The following DOCK11 variants were observed in gnomAD, a reference collection of about 807,000 sequenced individuals.
The protein encoded by DOCK11 is dedicator of cytokinesis 11.
Under a neutral mutation model 169.1 loss-of-function variants are expected in DOCK11, and 70 were observed. That is an observed-to-expected ratio of 0.41 (90% CI 0.34 to 0.51). DOCK11 has a LOEUF of 0.51. DOCK11 is among the 20% of genes least tolerant of loss of function. The probability of loss-of-function intolerance (pLI) is 0.10; values close to 1 mark genes in which losing one functional copy is unlikely to be tolerated. For missense variants in DOCK11, 1,166 were observed against 1,538.8 expected, an observed-to-expected ratio of 0.76 and a Z score of 4.05; for synonymous variants, 529 against 541.3, an observed-to-expected ratio of 0.98 and a Z score of 0.32.
chrX:118,505,863 A>G (rs1488033214), intron 1 of DOCK11, among the ~76,000 whole-genome samples: 1 of 112,399 alleles, frequency 8.9e-6, no homozygotes, highest in Admixed American at 9.4e-5. Context: ...CCTTTATGCC[A>G]GCCTGTTCAG....
chrX:118,501,932 C>T (rs2057578758), intron 1 of DOCK11, among the ~76,000 whole-genome samples: 1 of 111,701 alleles, frequency 9.0e-6, no homozygotes, highest in Non-Finnish European at 1.9e-5. Flanking sequence ...TCTTTGATTA[C>T]TCTTAAAGTT....
intron 44 of DOCK11, among the ~76,000 whole-genome samples, chrX:118,655,829 C>T (rs1207000570): frequency 1.8e-5 from 2 of 112,132 alleles, no homozygotes; most frequent in African/African-American, 6.5e-5. Context: ...ATGAAACCAA[C>T]TTATTAAAGG....
At chrX:118,601,011 T>C (rs1337028705) in intron 23 of DOCK11, among the ~76,000 whole-genome samples, 5 of 111,669 alleles carry the variant, frequency 4.5e-5, no homozygotes, top group African/African-American at 1.6e-4. Context: ...TGACATGATG[T>C]GACTTTGGTT....
At chrX:118,617,599 G>A (rs1015126176) in intron 30 of DOCK11, among the ~76,000 whole-genome samples, 1 of 72,790 alleles carries the variant, frequency 1.4e-5, no homozygotes, top group African/African-American at 5.3e-5. Context: ...TGAGGATCTA[G>A]CCTGGGCACA....
At chrX:118,524,728 AATAAGTGTTGAGGAACAC>A (rs1434309702) in intron 1 of DOCK11, among the ~76,000 whole-genome samples, 5 of 111,793 alleles carry the variant, frequency 4.5e-5, no homozygotes, top group Non-Finnish European at 7.5e-5. Context: ...AAAACTGGAA[AATAAGTGTTGAGGAACAC>A]GGGCGGGGCG....
intron 18 of DOCK11, among the ~76,000 whole-genome samples, chrX:118,589,358 A>G (rs184532775): frequency 6.2e-4 from 69 of 111,700 alleles, no homozygotes; most frequent in African/African-American, 2.1e-3. Context: ...TGTAGACCCA[A>G]TGACTCTTAG....
At chrX:118,560,699 C>T (rs1363012836) in intron 6 of DOCK11, among the ~76,000 whole-genome samples, 1 of 112,046 alleles carries the variant, frequency 8.9e-6, no homozygotes, top group Non-Finnish European at 1.9e-5. Context: ...ACTCATCAGG[C>T]AGTCCCCAAC....
intron 46 of DOCK11, among the ~76,000 whole-genome samples, chrX:118,672,415 T>C (rs1252482418): frequency 8.9e-6 from 1 of 112,479 alleles, no homozygotes; most frequent in Non-Finnish European, 1.9e-5. Flanking sequence ...ATTTATTCTT[T>C]TTTTTTGTTT....
intron 1 of DOCK11, among the ~76,000 whole-genome samples, chrX:118,519,119 T>A (rs2057707239): frequency 8.9e-6 from 1 of 112,038 alleles, no homozygotes; most frequent in Admixed American, 9.5e-5. Flanking sequence ...CATTCCCAGC[T>A]CTCTTGCTGA....
At chrX:118,669,811 C>A (rs2016423899) in intron 45 of DOCK11, among the ~76,000 whole-genome samples, 1 of 111,881 alleles carries the variant, frequency 8.9e-6, no homozygotes, top group African/African-American at 3.2e-5. Context: ...GCCATGCTCC[C>A]TCTAAGACTC....
At chrX:118,569,695 C>T (rs2013212738) in intron 10 of DOCK11, among the ~76,000 whole-genome samples, 1 of 109,522 alleles carries the variant, frequency 9.1e-6, no homozygotes. Flanking sequence ...CCTTTCTCCC[C>T]CCACGGAGTT....
chrX:118,555,171 G>A (rs911991776), intron 6 of DOCK11, among the ~76,000 whole-genome samples: 8 of 111,460 alleles, frequency 7.2e-5, no homozygotes, highest in South Asian at 3.8e-4. Flanking sequence ...TCAAATAGTT[G>A]AACTCTTCAG....
At chrX:118,518,246 A>G (rs982490871) in intron 1 of DOCK11, among the ~76,000 whole-genome samples, 5 of 111,605 alleles carry the variant, frequency 4.5e-5, no homozygotes, top group Non-Finnish European at 7.5e-5. Context: ...TGCCTCTGAC[A>G]TTTAAAACAA....
chrX:118,549,106 C>CTGTGTGTGTGTGTGTGTATGTG (rs1556273225), intron 6 of DOCK11, among the ~76,000 whole-genome samples: 1 of 99,121 alleles, frequency 1.0e-5, no homozygotes, highest in African/African-American at 3.9e-5. Context: ...TGCTCATATT[C>CTGTGTGTGTGTGTGTGTATGTG]TGTGTGTGTG....
chrX:118,498,009 G>A (rs2057549095), intron 1 of DOCK11, among the ~76,000 whole-genome samples: 1 of 112,518 alleles, frequency 8.9e-6, no homozygotes, highest in Non-Finnish European at 1.9e-5. Flanking sequence ...ACTGTTATTG[G>A]CAGGAGTCTT....
intron 35 of DOCK11, among the ~76,000 whole-genome samples, chrX:118,631,442 A>C (rs1252576435): frequency 8.9e-6 from 1 of 111,782 alleles, no homozygotes; most frequent in Non-Finnish European, 1.9e-5. Flanking sequence ...GGAATGTACG[A>C]TTTAGCATAA....
At chrX:118,568,400 A>G (rs1184172847) in intron 10 of DOCK11, among the ~76,000 whole-genome samples, 2 of 82,142 alleles carry the variant, frequency 2.4e-5, no homozygotes, top group South Asian at 6.6e-4. Flanking sequence ...ATATATATAT[A>G]TATATATATA....
At chrX:118,526,203 T>C (rs1398528306) in intron 1 of DOCK11, among the ~76,000 whole-genome samples, 7 of 112,001 alleles carry the variant, frequency 6.2e-5, no homozygotes, top group Non-Finnish European at 1.3e-4. Flanking sequence ...ATGAAAGATA[T>C]GAGCCAGGGC....
rs779324578 is a variant in DOCK11, at chrX:118,676,689, T to C, written c.5412T>C (p.Gly1804=). The C allele has an allele frequency of 8.3e-7, 1 of 1,206,199 alleles. No individual in the cohort carries two copies. Among genetic ancestry groups the C allele is most frequent in the African/African-American group, 1.7e-5 (1 of 57,780 alleles). The part of the protein sequence containing the change: ...EISLRLVKLY[G]EKFGTENVKI... ...CCTTGAGACTTGTTAAACTTTATGG[T>C]GAAAAGTTTGGTACGGAGAATGTCA... Residue 1804 remains glycine, a synonymous_variant, in exon 48 of 53, where the codon GGT becomes GGC. Coordinates refer to ENST00000276202, the MANE Select transcript of DOCK11 (RefSeq NM_144658.4).
Sources: allele counts gnomAD v4.1 joint callset (sites outside exome capture counted in the v4.1 genomes callset), GRCh38; gene constraint gnomAD v4.1.1; transcripts MANE v1.5; gene names NCBI Gene and HGNC (gene_info 2026-07-23, HGNC 2026-07-21).